The following SHROOM3 variants were observed in gnomAD, a reference collection of about 807,000 sequenced individuals.
The protein encoded by SHROOM3 is shroom family member 3.
Under a neutral mutation model 138.6 loss-of-function variants are expected in SHROOM3, and 47 were observed. The observed-to-expected ratio is 0.34, with a 90% CI of 0.27 to 0.43. The LOEUF is 0.43. SHROOM3 is among the 20% of genes least tolerant of loss of function. The pLI is 1.00. For synonymous variants in SHROOM3, 1,062 were observed against 1,063.3 expected (o/e 1.00, Z 0.02); for missense variants, 2,491 against 2,596.5 (o/e 0.96, Z 0.88).
At chr4:76,599,568 G>A (rs1734461578) in intron 2 of SHROOM3, among the ~76,000 whole-genome samples, 1 of 152,144 alleles carries the variant, frequency 6.6e-6, no homozygotes, top group Non-Finnish European at 1.5e-5. Flanking sequence ...TTCTGATGGT[G>A]GACATGGCAG....
chr4:76,461,632 G>A (rs1454008469), intron 1 of SHROOM3, among the ~76,000 whole-genome samples: 1 of 152,214 alleles, frequency 6.6e-6, no homozygotes, highest in East Asian at 1.9e-4. Flanking sequence ...GACAGTGCAG[G>A]AGTTGACATA....
At chr4:76,707,786 C>CT (rs987465043) in intron 2 of SHROOM3, among the ~76,000 whole-genome samples, 11 of 150,976 alleles carry the variant, frequency 7.3e-5, no homozygotes, top group African/African-American at 2.2e-4. Flanking sequence ...GGTTTTTTTT[C>CT]TTTTTTTTTA....
rs774577010 is a variant in SHROOM3 at position 76,435,951 on chromosome 4, TTG to T, written c.-96_-95del. ...CTTCTCCAAACCTCTCTTTTGGCCA[TTG>T]TGTGTCCTGAAGGATGGGACAACTT... On this transcript the variant is annotated 5_prime_UTR_variant, in exon 1 of 11. The change abolishes the stop of an existing upstream ORF in the 5' untranslated region. Coordinates refer to ENST00000296043, the MANE Select transcript of SHROOM3 (RefSeq NM_020859.4). 1.4e-5 allele frequency: 18 copies of T among 1,258,216 alleles called. No homozygotes were observed. The highest frequency in any genetic ancestry group is 1.9e-5 in the Non-Finnish European group (17 of 895,266). The allele number at this position is 1,258,216 out of a possible 1,614,324, so 77.9% of individuals were successfully genotyped here.
At chr4:76,445,452 G>A (rs1156391543) in intron 1 of SHROOM3, among the ~76,000 whole-genome samples, 1 of 152,180 alleles carries the variant, frequency 6.6e-6, no homozygotes, top group African/African-American at 2.4e-5. Flanking sequence ...GCCACATGGT[G>A]ATTAGAGAAG....
At chr4:76,729,981 G>A (rs1720826714) in intron 3 of SHROOM3, among the ~76,000 whole-genome samples, 1 of 152,180 alleles carries the variant, frequency 6.6e-6, no homozygotes, top group African/African-American at 2.4e-5. Flanking sequence ...CAGTCTTACA[G>A]TTCAAGAATT....
intron 1 of SHROOM3, among the ~76,000 whole-genome samples, chr4:76,549,027 T>G (rs1273865135): frequency 6.6e-6 from 1 of 152,218 alleles, no homozygotes; most frequent in Admixed American, 6.5e-5. Context: ...TTTAAAATAA[T>G]AAGCTTCATT....
intron 1 of SHROOM3, among the ~76,000 whole-genome samples, chr4:76,526,294 C>T (rs953282123): frequency 8.5e-5 from 13 of 152,054 alleles, no homozygotes; most frequent in Non-Finnish European, 1.5e-5. Flanking sequence ...TTGAACCTGG[C>T]AGGCAGAGGT....
At position 76,710,276 on chromosome 4, in the gene SHROOM3, G is replaced by A; in HGVS notation, c.444G>A (p.Arg148=). ...CGTGGTCAGGAGGGGTTAAACTTCGGCTGAAGCACAGGTAAGACGCACGGA... is the reference window on the plus strand; with the variant it reads ...CGTGGTCAGGAGGGGTTAAACTTCGACTGAAGCACAGGTAAGACGCACGGA... ...KAAWSGGVKL[R]LKHRRSEPAG... The change falls in exon 3 of 11, where the codon CGG becomes CGA. Residue 148 remains arginine (R), a synonymous_variant. Coordinates refer to ENST00000296043, the MANE Select transcript of SHROOM3 (RefSeq NM_020859.4). 1.2e-6 allele frequency: 2 copies of A among 1,614,018 alleles called. No homozygotes were observed. The highest frequency in any genetic ancestry group is 1.7e-6 in the Non-Finnish European group (2 of 1,179,956).
At position 76,655,652 on chromosome 4, in the gene SHROOM3, G is replaced by T. The variant is rs796995239; in HGVS notation, c.324-54504G>T. Among the ~76,000 whole-genome samples, 98 of 152,316 alleles carry T rather than the reference G, an allele frequency of 6.4e-4. 2 individuals are homozygous for T. The highest frequency in any genetic ancestry group is 2.3e-3 in the African/African-American group (94 of 41,572). ...CCAAGAAAAAACAAGATACAACACT[G>T]TAGGATTAGCTGCCCAATTTACTTA... On this transcript the variant is annotated intron_variant, in intron 2 of 10. Coordinates refer to ENST00000296043, the MANE Select transcript of SHROOM3 (RefSeq NM_020859.4).
chr4:76,688,964 T>G, intron 2 of SHROOM3: 2 of 734,554 alleles, frequency 2.7e-6, no homozygotes, highest in Non-Finnish European at 3.3e-6. Context: ...ATGCGAGCTT[T>G]TTTTTTTTTT....
At chr4:76,453,889 A>C (rs1730976251) in intron 1 of SHROOM3, among the ~76,000 whole-genome samples, 1 of 152,216 alleles carries the variant, frequency 6.6e-6, no homozygotes. Context: ...TGGATAAAGC[A>C]CACTACTTTT....
intron 6 of SHROOM3, among the ~76,000 whole-genome samples, chr4:76,753,505 G>C (rs189338804): frequency 3.8e-4 from 58 of 152,288 alleles, no homozygotes; most frequent in Non-Finnish European, 6.9e-4. Context: ...TACAAATCAC[G>C]GTGGGTTTGC....
At chr4:76,610,050 T>C (rs4495062) in intron 2 of SHROOM3, among the ~76,000 whole-genome samples, 103,880 of 152,154 alleles carry the variant, frequency 0.68, 36,057 homozygotes, top group East Asian at 0.94. Context: ...GAAAATGGAT[T>C]GTACTTTGTT....
chr4:76,593,861 C>T lies in SHROOM3; in HGVS notation c.323+38098C>T, dbSNP rs74655591. 3.4e-3 allele frequency among the ~76,000 whole-genome samples: 523 copies of T among 152,232 alleles called. 1 individual carries two copies. Among genetic ancestry groups the T allele is most frequent in the African/African-American group, 0.012 (500 of 41,524 alleles). On this transcript the variant is annotated intron_variant, in intron 2 of 10. Transcript: ENST00000296043. ...TCACCATGGTCCTGGTGCCCGGAAC[C>T]CCAGTTCCCAACACCGATGATGCTG...
chr4:76,475,675 G>A (rs1731470417), intron 1 of SHROOM3, among the ~76,000 whole-genome samples: 1 of 152,164 alleles, frequency 6.6e-6, no homozygotes, highest in African/African-American at 2.4e-5. Context: ...GGACATTTAA[G>A]AGTCTATGGC....
intron 2 of SHROOM3, among the ~76,000 whole-genome samples, chr4:76,673,614 A>C (rs1718948244): frequency 6.6e-6 from 1 of 152,188 alleles, no homozygotes; most frequent in South Asian, 2.1e-4. Context: ...TCCTCTTCAG[A>C]ATGAATTAGG....
At chr4:76,527,454 A>T (rs1732715652) in intron 1 of SHROOM3, among the ~76,000 whole-genome samples, 1 of 152,148 alleles carries the variant, frequency 6.6e-6, no homozygotes, top group Non-Finnish European at 1.5e-5. Flanking sequence ...ATAGTGGCGC[A>T]TGCCTGTAAT....
intron 1 of SHROOM3, among the ~76,000 whole-genome samples, chr4:76,457,191 G>A (rs1426072735): frequency 6.6e-6 from 1 of 152,122 alleles, no homozygotes; most frequent in Non-Finnish European, 1.5e-5. Context: ...CTCCACTGTT[G>A]GAAGTGGAGG....
chr4:76,547,420 C>T (rs540627800), intron 1 of SHROOM3, among the ~76,000 whole-genome samples: 18 of 152,174 alleles, frequency 1.2e-4, no homozygotes, highest in African/African-American at 3.4e-4. Flanking sequence ...CAATTTGATG[C>T]GATAAAGTTA....
Sources: gnomAD v4.1 joint callset for allele counts (sites outside exome capture counted in the v4.1 genomes callset) on GRCh38, gnomAD v4.1.1 for gene constraint, MANE v1.5 for transcripts, NCBI Gene and HGNC (gene_info 2026-07-23, HGNC 2026-07-21) for gene names.